The following BNC2 variants were observed in gnomAD, a reference collection of about 807,000 sequenced individuals.
BNC2 encodes zinc finger protein basonuclin-2.
In BNC2, 20 loss-of-function variants were observed where a neutral mutation model predicts 76.3. The ratio of observed to expected loss-of-function variants is 0.26; its 90% confidence interval spans 0.18 to 0.38. The LOEUF (loss-of-function observed/expected upper bound fraction) is 0.38. BNC2 is among the 10% of genes least tolerant of loss of function. BNC2 has a pLI of 1.00. For missense variants in BNC2, 1,382 were observed against 1,399.8 expected (o/e 0.99, Z 0.20); for synonymous variants, 582 against 514.8 (o/e 1.13, Z -1.77).
chr9:16,565,224 T>C (rs1175653539), intron 4 of BNC2, among the ~76,000 whole-genome samples: 1 of 152,140 alleles, frequency 6.6e-6, no homozygotes, highest in African/African-American at 2.4e-5. Context: ...CCCAGCCTCT[T>C]CACACACATA....
At chr9:16,738,585 C>T in intron 1 of BNC2, 100 bp from the exon 2 acceptor site, 1 of 1,269,204 alleles carries the variant, frequency 7.9e-7, no homozygotes, top group Non-Finnish European at 1.1e-6. Flanking sequence ...TATAACACAC[C>T]AATGACCAAC....
At chr9:16,778,630 C>T (rs1641666335) in intron 1 of BNC2, among the ~76,000 whole-genome samples, 1 of 152,324 alleles carries the variant, frequency 6.6e-6, no homozygotes, top group South Asian at 2.1e-4. Flanking sequence ...AACAAGCACA[C>T]TTCTAGTGCA....
At chr9:16,589,211 G>C (rs1819854541) in intron 3 of BNC2, among the ~76,000 whole-genome samples, 1 of 151,992 alleles carries the variant, frequency 6.6e-6, no homozygotes, top group South Asian at 2.1e-4. Flanking sequence ...TTCTGAGACA[G>C]ATCTCGCTCT....
intron 5 of BNC2, among the ~76,000 whole-genome samples, chr9:16,534,407 A>T (rs977479166): frequency 1.2e-4 from 18 of 152,240 alleles, no homozygotes; most frequent in African/African-American, 4.1e-4. Flanking sequence ...CATTTCTAAA[A>T]ATCTGTGTCT....
At chr9:16,860,210 T>A (rs934512802) in intron 1 of BNC2, among the ~76,000 whole-genome samples, 1 of 152,010 alleles carries the variant, frequency 6.6e-6, no homozygotes, top group African/African-American at 2.4e-5. Flanking sequence ...TCTAAGGAAC[T>A]AAGAATGGCT....
At chr9:16,493,953 G>C (rs916990329) in intron 5 of BNC2, among the ~76,000 whole-genome samples, 7 of 152,142 alleles carry the variant, frequency 4.6e-5, no homozygotes, top group African/African-American at 1.7e-4. Context: ...CGAGGGTAGA[G>C]AGGCAGGCAG....
chr9:16,834,289 T>C (rs1283951297), intron 1 of BNC2, among the ~76,000 whole-genome samples: 1 of 152,226 alleles, frequency 6.6e-6, no homozygotes, highest in Non-Finnish European at 1.5e-5. Context: ...GTGTTACAGA[T>C]TTTTGGAAGC....
chr9:16,457,313 AACTT>A (rs975788843), intron 5 of BNC2, among the ~76,000 whole-genome samples: 1 of 152,114 alleles, frequency 6.6e-6, no homozygotes, highest in African/African-American at 2.4e-5. Context: ...TGGGGGGACT[AACTT>A]ACTTAGGGAC....
chr9:16,759,735 T>C (rs1480841416), intron 1 of BNC2, among the ~76,000 whole-genome samples: 1 of 151,886 alleles, frequency 6.6e-6, no homozygotes, highest in African/African-American at 2.4e-5. Context: ...ATTTTTTTTT[T>C]TTTTTTGACA....
chr9:16,856,463 G>C (rs1003708272), intron 1 of BNC2, among the ~76,000 whole-genome samples: 4 of 152,102 alleles, frequency 2.6e-5, no homozygotes, highest in African/African-American at 9.7e-5. Context: ...TTTAGAGACA[G>C]GATCTCACTA....
At chr9:16,635,210 C>A (rs571622064) in intron 3 of BNC2, among the ~76,000 whole-genome samples, 4 of 152,096 alleles carry the variant, frequency 2.6e-5, no homozygotes, top group Non-Finnish European at 5.9e-5. Context: ...TAACTTTAAT[C>A]CCATGTCATA....
chr9:16,823,089 A>C (rs1818377731), intron 1 of BNC2, among the ~76,000 whole-genome samples: 1 of 152,184 alleles, frequency 6.6e-6, no homozygotes. Context: ...AGTCTTCTTC[A>C]TACTAGGAAA....
At chr9:16,575,795 G>C (rs528561898) in intron 4 of BNC2, among the ~76,000 whole-genome samples, 2 of 152,182 alleles carry the variant, frequency 1.3e-5, no homozygotes, top group Non-Finnish European at 2.9e-5. Flanking sequence ...TGCTCATGGA[G>C]AGACCAGAAT....
At chr9:16,796,064 A>C (rs776967963) in intron 1 of BNC2, among the ~76,000 whole-genome samples, 29 of 152,308 alleles carry the variant, frequency 1.9e-4, no homozygotes, top group Non-Finnish European at 4.1e-4. Flanking sequence ...TGAAGCCCCA[A>C]ACCCATCTCA....
chr9:16,584,247 T>G (rs1343376570), intron 3 of BNC2, among the ~76,000 whole-genome samples: 5 of 152,160 alleles, frequency 3.3e-5, no homozygotes, highest in African/African-American at 1.2e-4. Flanking sequence ...CTGAAAGCCA[T>G]GCTCACTCAC....
rs1476472555 is a variant in BNC2 at position 16,441,545 on chromosome 9, TA to T, written c.670-4022del. Reference sequence around the variant, plus strand: ...TGAAGATCTTTGTGATAGAAATAAGTATGGTTTGGTGCTTTGATTCTGAATC... The same window carrying T: ...TGAAGATCTTTGTGATAGAAATAAGTTGGTTTGGTGCTTTGATTCTGAATC... On this transcript the variant is annotated intron_variant, in intron 5 of 6. Coordinates refer to ENST00000380672, the MANE Select transcript of BNC2 (RefSeq NM_017637.6). Among the ~76,000 whole-genome samples the T allele has an allele frequency of 8.5e-5, 13 of 152,294 alleles. No individual in the cohort carries two copies. In the East Asian group the frequency reaches 2.3e-3, roughly 27 times the overall value.
chr9:16,789,558 C>T (rs1040539141), intron 1 of BNC2, among the ~76,000 whole-genome samples: 1 of 152,144 alleles, frequency 6.6e-6, no homozygotes, highest in Non-Finnish European at 1.5e-5. Flanking sequence ...GCAGCTTTTC[C>T]AGATTAATTC....
At chr9:16,426,258 G>A (rs1296281403) in intron 6 of BNC2, among the ~76,000 whole-genome samples, 2 of 150,952 alleles carry the variant, frequency 1.3e-5, no homozygotes, top group Non-Finnish European at 2.9e-5. Flanking sequence ...ACTTTATAAA[G>A]ATTTTAGAAG....
At position 16,419,005 on chromosome 9, in the gene BNC2, A is replaced by G; in HGVS notation, c.3284T>C (p.Phe1095Ser). 1 of 1,614,080 alleles carries G rather than the reference A, an allele frequency of 6.2e-7. No homozygotes were observed. Among genetic ancestry groups the G allele is most frequent in the East Asian group, 2.2e-5 (1 of 44,822 alleles). The change falls in exon 7 of 7, where the codon TTC (phenylalanine) becomes TCC (serine). Residue 1095 changes from phenylalanine to serine, a missense_variant. Transcript: ENST00000380672. ...QNPNLHKNIP[F>S]TSVD ...ATTCTGAGACTAATCTACTGAAGTGAAGGGAATGTTTTTGTGGAGATTAGG... is the reference window on the plus strand; with the variant it reads ...ATTCTGAGACTAATCTACTGAAGTGGAGGGAATGTTTTTGTGGAGATTAGG...
Sources: gnomAD v4.1 joint callset for allele counts (sites outside exome capture counted in the v4.1 genomes callset) on GRCh38, gnomAD v4.1.1 for gene constraint, MANE v1.5 for transcripts, NCBI Gene and HGNC (gene_info 2026-07-23, HGNC 2026-07-21) for gene names.